The following MED12L variants were observed in gnomAD, a reference collection of about 807,000 sequenced individuals.
The protein encoded by MED12L is mediator complex subunit 12L, also known as mediator of RNA polymerase II transcription subunit 12-like protein.
MED12L carries 60 observed loss-of-function variants against 281.3 expected under a neutral mutation model. The ratio of observed to expected loss-of-function variants is 0.21; its 90% CI spans 0.17 to 0.26. The LOEUF (loss-of-function observed/expected upper bound fraction) is 0.26. MED12L is among the 10% of genes least tolerant of loss of function. The pLI is 1.00. For synonymous variants in MED12L, 974 were observed against 987.2 expected, an observed-to-expected ratio of 0.99 and a Z score of 0.25; for missense variants, 2,146 against 2,680.9, an observed-to-expected ratio of 0.80 and a Z score of 4.41.
intron 16 of MED12L, chr3:151,294,654 G>A: frequency 1.2e-6 from 2 of 1,614,140 alleles, no homozygotes; most frequent in Non-Finnish European, 8.5e-7. Context: ...ACCCCCAAAG[G>A]ACTTTTAAGT....
At position 151,220,001 on chromosome 3, in the gene MED12L, T is replaced by A. The variant is rs543758283; in HGVS notation, c.2250+26335T>A. Among the ~76,000 whole-genome samples, 8 of 150,878 alleles carry A rather than the reference T, an allele frequency of 5.3e-5. No homozygotes were observed. The East Asian group carries it at 7.8e-4, about 15-fold the overall frequency. ...AAGTCTAATTGCAGGTGGATTTTTT[T>A]AATTGTTTTGTTTTTTAAAAACCTT... On this transcript the variant is annotated intron_variant, in intron 16 of 44. Coordinates refer to ENST00000687756, the MANE Select transcript of MED12L (RefSeq NM_001393769.1).
intron 5 of MED12L, among the ~76,000 whole-genome samples, chr3:151,155,724 G>C (rs1406405993): frequency 1.3e-5 from 2 of 152,184 alleles, no homozygotes; most frequent in East Asian, 3.9e-4. Flanking sequence ...AGCTGCTTTT[G>C]GGGGATTTTG....
chr3:151,411,230 T>C (rs1716895749), intron 40 of MED12L, 48 bp from the exon 41 acceptor site: 1 of 1,524,216 alleles, frequency 6.6e-7, no homozygotes, highest in Non-Finnish European at 9.1e-7. Context: ...ATGGGAAAGC[T>C]AGGTGATAAG....
chr3:151,339,136 A>G (rs1189814432), intron 16 of MED12L, among the ~76,000 whole-genome samples: 2 of 152,102 alleles, frequency 1.3e-5, no homozygotes, highest in African/African-American at 4.8e-5. Context: ...CTTAAAGCAC[A>G]TTTTGTCTTA....
At chr3:151,370,633 T>G (rs1009251197) in intron 26 of MED12L, among the ~76,000 whole-genome samples, 3 of 152,168 alleles carry the variant, frequency 2.0e-5, no homozygotes, top group Admixed American at 6.5e-5. Context: ...GAGTAGAATT[T>G]CCCTACTGTG....
chr3:151,162,871 G>A (rs1217758033), intron 8 of MED12L, among the ~76,000 whole-genome samples: 1 of 152,120 alleles, frequency 6.6e-6, no homozygotes, highest in Non-Finnish European at 1.5e-5. Flanking sequence ...ACTTAGTAAC[G>A]GTGACCTTGA....
At chr3:151,134,051 A>G (rs2014240) in intron 5 of MED12L, among the ~76,000 whole-genome samples, 45,969 of 152,048 alleles carry the variant, frequency 0.3, 8,933 homozygotes, top group African/African-American at 0.55. Flanking sequence ...AATCCCCGGT[A>G]TTGTGATAAG....
Position 151,435,623 on chromosome 3 carries a change from C to CT in MED12L, c.*2821dup, listed in dbSNP as rs1341255507. 2 of 50,080 alleles carry CT rather than the reference C, an allele frequency of 4.0e-5. No homozygotes were observed. The highest frequency in any genetic ancestry group is 1.1e-4 in the African/African-American group (2 of 18,574). 3.1% of individuals were successfully genotyped at this position (50,080 alleles called of 1,614,324 possible). A position where few individuals can be genotyped will look rare whatever the true frequency, so the allele number is the denominator to read the frequency against. On this transcript the variant is annotated 3_prime_UTR_variant, in exon 45 of 45. Transcript: ENST00000687756. ...TCCCATTTATAAAGCTCCTATAATT[C>CT]TTAAGTAAGTACTAGGTGAATGTTT...
intron 5 of MED12L, among the ~76,000 whole-genome samples, chr3:151,154,197 T>C (rs1718953332): frequency 1.3e-5 from 2 of 152,232 alleles, no homozygotes; most frequent in Admixed American, 1.3e-4. Flanking sequence ...GACTGTCTTA[T>C]GTCCCAGAGC....
In MED12L at chr3:151,357,472, T is replaced by TA. The variant is rs1231082013; in HGVS notation, c.2825+97dup. 3 of 1,076,534 alleles carry TA rather than the reference T, an allele frequency of 2.8e-6. No individual in the cohort carries two copies. The African/African-American group carries it at 4.8e-5, about 17-fold the overall frequency. 66.7% of individuals were successfully genotyped at this position (1,076,534 alleles called of 1,614,324 possible). On this transcript the variant is annotated intron_variant, in intron 20 of 44. Coordinates refer to ENST00000687756, the MANE Select transcript of MED12L (RefSeq NM_001393769.1). ...GGCTTTAAAAGAAAAATAGTACTGA[T>TA]ACCTGTTTTAGTTAAAACATGGTTA...
chr3:151,198,814 G>T (rs146475976), intron 16 of MED12L: 185 of 1,613,414 alleles, frequency 1.1e-4, no homozygotes, highest in Non-Finnish European at 1.3e-4. Context: ...TGATGGCTGA[G>T]AAATTTAAAA....
At chr3:151,302,868 G>A (rs1746130610) in intron 16 of MED12L, among the ~76,000 whole-genome samples, 1 of 152,182 alleles carries the variant, frequency 6.6e-6, no homozygotes, top group Non-Finnish European at 1.5e-5. Flanking sequence ...CAAGTTTAGA[G>A]TCTAGTTGAG....
rs368702152 is a variant in MED12L at position 151,213,089 on chromosome 3, A to G, written c.2250+19423A>G. ...TTAATTTTTTATTAATAGAGAATAG[A>G]AAGGTCAGTATTAGAGAAATTACTG... On this transcript the variant is annotated intron_variant, in intron 16 of 44. Coordinates refer to ENST00000687756, the MANE Select transcript of MED12L (RefSeq NM_001393769.1). 9.1e-5 allele frequency: 34 copies of G among 373,712 alleles called. No individual in the cohort carries two copies. The South Asian group carries it at 2.8e-3, about 31-fold the overall frequency. The allele number at this position is 373,712 out of a possible 1,614,324, so 23.1% of individuals were successfully genotyped here.
At chr3:151,430,467 A>T in intron 44 of MED12L, 87 bp downstream of exon 44, 1 of 1,586,734 alleles carries the variant, frequency 6.3e-7, no homozygotes, top group Non-Finnish European at 8.6e-7. Flanking sequence ...CTCTCCCAAG[A>T]TGGTACCATC....
At chr3:151,141,178 G>GTTTGTTTGTTTTTT (rs1553808456) in intron 5 of MED12L, among the ~76,000 whole-genome samples, 2,401 of 102,086 alleles carry the variant, frequency 0.024, 175 homozygotes, top group African/African-American at 0.097. Flanking sequence ...TTTTTTTTTT[G>GTTTGTTTGTTTTTT]TTTTTTTTGT....
chr3:151,182,969 G>T (rs898959605), intron 11 of MED12L, among the ~76,000 whole-genome samples: 1 of 152,182 alleles, frequency 6.6e-6, no homozygotes, highest in African/African-American at 2.4e-5. Context: ...ACAGTGCCTA[G>T]CACATAGTTG....
intron 36 of MED12L, among the ~76,000 whole-genome samples, chr3:151,386,915 G>A (rs1713482323): frequency 6.6e-6 from 1 of 151,978 alleles, no homozygotes; most frequent in Non-Finnish European, 1.5e-5. Context: ...CACCATGTTG[G>A]CCAGGCTGGT....
chr3:151,248,036 A>C lies in MED12L; in HGVS notation c.2250+54370A>C, dbSNP rs1282079801. On this transcript the variant is annotated intron_variant, in intron 16 of 44. Transcript: ENST00000687756. Reference sequence around the variant, plus strand: ...TCTAAGCATGTATATTAAGTTTCTAAATTATCTATTAGTCTAGATTTTTGG... The same window carrying C: ...TCTAAGCATGTATATTAAGTTTCTACATTATCTATTAGTCTAGATTTTTGG... 2.9e-5 allele frequency among the ~76,000 whole-genome samples: 4 copies of C among 137,114 alleles called. No homozygotes were observed. In the Admixed American group the frequency reaches 3.2e-4, roughly 11 times the overall value. The allele number at this position is 137,114 out of a possible 152,430, so 90.0% of individuals were successfully genotyped here.
intron 16 of MED12L, among the ~76,000 whole-genome samples, chr3:151,265,565 T>C (rs1255782071): frequency 6.6e-6 from 1 of 152,202 alleles, no homozygotes; most frequent in Non-Finnish European, 1.5e-5. Context: ...AGATTTTCAG[T>C]TATATTCAGG....
Sources: gnomAD v4.1 joint callset for allele counts (sites outside exome capture counted in the v4.1 genomes callset) on GRCh38, gnomAD v4.1.1 for gene constraint, MANE v1.5 for transcripts, NCBI Gene and HGNC (gene_info 2026-07-23, HGNC 2026-07-21) for gene names.